The following VPS45 variants were observed in gnomAD, a reference collection of about 807,000 sequenced individuals.
The protein encoded by VPS45 is vacuolar protein sorting 45 homolog.
VPS45 carries 35 observed loss-of-function variants against 75.9 expected under a neutral mutation model. The observed-to-expected ratio is 0.46, with a 90% CI of 0.35 to 0.61. The LOEUF is 0.61. VPS45 is among the 20% of genes least tolerant of loss of function. VPS45 has a pLI of 0.00. For synonymous variants in VPS45, 220 were observed against 238.2 expected (o/e 0.92, Z 0.70); for missense variants, 559 against 685.9 (o/e 0.81, Z 2.07).
At chr1:150,085,989 C>A (rs1553800587) in intron 10 of VPS45, among the ~76,000 whole-genome samples, 1 of 152,094 alleles carries the variant, frequency 6.6e-6, no homozygotes, top group Non-Finnish European at 1.5e-5. Context: ...CCCTGCCCCC[C>A]ATGCCCAGCC....
At chr1:150,088,460 G>T (rs1656138979) in intron 10 of VPS45, among the ~76,000 whole-genome samples, 1 of 1,194 alleles carries the variant, frequency 8.4e-4, no homozygotes, top group African/African-American at 2.9e-3. Flanking sequence ...TATATATGCT[G>T]CTATTTTCTT....
chr1:150,091,591 C>G (rs782398956), intron 10 of VPS45, among the ~76,000 whole-genome samples: 5 of 152,164 alleles, frequency 3.3e-5, no homozygotes, highest in Non-Finnish European at 5.9e-5. Context: ...TGCAAATCAA[C>G]TAGTCAGTTT....
intron 13 of VPS45, 22 bp downstream of exon 13, chr1:150,093,670 T>G: frequency 1.9e-6 from 3 of 1,601,328 alleles, no homozygotes; most frequent in Non-Finnish European, 2.6e-6. Flanking sequence ...AAGATATTAA[T>G]AATAAAAGCC....
chr1:150,141,735 C>T (rs1235099178), intron 14 of VPS45, among the ~76,000 whole-genome samples: 9 of 152,146 alleles, frequency 5.9e-5, no homozygotes, highest in Non-Finnish European at 1.3e-4. Context: ...TGTTTATACT[C>T]ATATTGGATT....
At chr1:150,078,736 A>G (rs149632471) in intron 7 of VPS45, among the ~76,000 whole-genome samples, 5,154 of 151,342 alleles carry the variant, frequency 0.034, 240 homozygotes, top group African/African-American at 0.11. Flanking sequence ...CACTCCAGCC[A>G]GGGCGACAGA....
At chr1:150,122,177 C>T (rs587607187) in intron 14 of VPS45, among the ~76,000 whole-genome samples, 6 of 152,202 alleles carry the variant, frequency 3.9e-5, no homozygotes, top group East Asian at 1.9e-4. Context: ...AAAAATTAGC[C>T]GGGCCTGGTG....
At chr1:150,136,033 G>A (rs1659073306) in intron 14 of VPS45, among the ~76,000 whole-genome samples, 1 of 150,802 alleles carries the variant, frequency 6.6e-6, no homozygotes, top group Non-Finnish European at 1.5e-5. Context: ...TGGATCACCT[G>A]AGGTCAGGTG....
rs1415553849 is a variant in VPS45 at position 150,124,552 on chromosome 1, C to CTTTT, written c.1625+13935_1625+13938dup. Among the ~76,000 whole-genome samples, 232 of 140,214 alleles carry CTTTT rather than the reference C, an allele frequency of 1.7e-3. 60 individuals carry two copies. The highest frequency in any genetic ancestry group is 7.2e-3 in the Middle Eastern group (2 of 278). The allele number at this position is 140,214 out of a possible 152,430, so 92.0% of individuals were successfully genotyped here. ...AATATGTTGGCTTTTTTTCTTTTTTCTTTTTTTTTTTTTGAGACAGAGTCT... is the reference window on the plus strand; with the variant it reads ...AATATGTTGGCTTTTTTTCTTTTTTCTTTTTTTTTTTTTTTTTGAGACAGAGTCT... On this transcript the variant is annotated intron_variant, in intron 14 of 14. Transcript: ENST00000644510.
chr1:150,096,300 C>T (rs587617896), intron 13 of VPS45, among the ~76,000 whole-genome samples: 2 of 152,052 alleles, frequency 1.3e-5, no homozygotes, highest in African/African-American at 4.8e-5. Context: ...TGGATCATGA[C>T]AAAGGTATTG....
chr1:150,077,621 A>G (rs782358658), intron 6 of VPS45, 48 bp from the exon 7 acceptor site: 9 of 1,263,264 alleles, frequency 7.1e-6, no homozygotes, highest in Non-Finnish European at 1.0e-5. Context: ...TATCATTTCT[A>G]TATGTAACTA....
At chr1:150,098,794 C>T in intron 13 of VPS45, 1 of 1,055,546 alleles carries the variant, frequency 9.5e-7, no homozygotes, top group Non-Finnish European at 1.2e-6. Flanking sequence ...GATCATTCTG[C>T]AGATGGGATT....
At chr1:150,087,306 G>A (rs587598536) in intron 10 of VPS45, among the ~76,000 whole-genome samples, 1 of 152,160 alleles carries the variant, frequency 6.6e-6, no homozygotes, top group East Asian at 1.9e-4. Context: ...TCAGTGCAAG[G>A]TTTTCGAATC....
chr1:150,143,978 AATGAAT>A (rs1659543189), intron 14 of VPS45, among the ~76,000 whole-genome samples: 1 of 152,240 alleles, frequency 6.6e-6, no homozygotes, highest in African/African-American at 2.4e-5. Flanking sequence ...CTCAGAACAA[AATGAAT>A]ATAAGTATTC....
intron 8 of VPS45, among the ~76,000 whole-genome samples, 177 bp downstream of exon 8, chr1:150,081,653 AT>A (rs1655717495): frequency 6.6e-6 from 1 of 151,962 alleles, no homozygotes; most frequent in Non-Finnish European, 1.5e-5. Context: ...CCCTTTAGCA[AT>A]TTTTTTTCAT....
chr1:150,077,764 C>T lies in VPS45; in HGVS notation c.672C>T (p.Thr224=). ...LILDRCDDAI[T]PLLNQWTYQA... is the part of the protein sequence containing the mutation. ...TAGATCGCTGTGATGATGCCATCACCCCATTGCTAAACCAGGTACAAAACC... is the reference window on the plus strand; with the variant it reads ...TAGATCGCTGTGATGATGCCATCACTCCATTGCTAAACCAGGTACAAAACC... The change falls in exon 7 of 15, where the codon ACC becomes ACT. Residue 224 remains threonine (T), a synonymous_variant. Transcript: ENST00000644510. The T allele has an allele frequency of 1.2e-6, 2 of 1,612,496 alleles. No homozygotes were observed. The highest frequency in any genetic ancestry group is 1.1e-5 in the South Asian group (1 of 91,044).
intron 10 of VPS45, among the ~76,000 whole-genome samples, chr1:150,088,829 A>G (rs1407245371): frequency 6.6e-6 from 1 of 152,040 alleles, no homozygotes; most frequent in Admixed American, 6.6e-5. Flanking sequence ...ATTTAGGTTG[A>G]TTTTATATCT....
chr1:150,077,117 G>A lies in VPS45; in HGVS notation c.462G>A (p.Gln154=), dbSNP rs781792682. Residue 154 remains glutamine, a synonymous_variant, in exon 6 of 15, where the codon CAG becomes CAA. Coordinates refer to ENST00000644510, the MANE Select transcript of VPS45 (RefSeq NM_007259.5). The stretch of plus-strand genomic sequence containing the variant: ...AGGGTCGAAATTGGGATCCAGCCCA[G>A]CTATCTAGAACAACTCAAGGGCTTA... The part of the protein sequence containing the change: ...CCQGRNWDPA[Q]LSRTTQGLTA... 3.8e-5 allele frequency: 61 copies of A among 1,613,910 alleles called. No individual in the cohort carries two copies.
chr1:150,080,072 A>C (rs1295452788), intron 7 of VPS45, among the ~76,000 whole-genome samples: 1 of 152,176 alleles, frequency 6.6e-6, no homozygotes, highest in African/African-American at 2.4e-5. Flanking sequence ...AAAAATAAAC[A>C]TAATTTTAAT....
At chr1:150,069,982 C>A (rs1553796704) in intron 2 of VPS45, among the ~76,000 whole-genome samples, 1 of 152,054 alleles carries the variant, frequency 6.6e-6, no homozygotes, top group Non-Finnish European at 1.5e-5. Context: ...CGAACCATCC[C>A]CCTTTTGCAC....
Sources: allele counts gnomAD v4.1 joint callset (sites outside exome capture counted in the v4.1 genomes callset), GRCh38; gene constraint gnomAD v4.1.1; transcripts MANE v1.5; gene names NCBI Gene and HGNC (gene_info 2026-07-23, HGNC 2026-07-21).